The following ONECUT1 variants were observed in gnomAD, a reference collection of about 807,000 sequenced individuals.
ONECUT1 encodes the protein hepatocyte nuclear factor 6.
ONECUT1 carries 12 observed loss-of-function variants against 25.6 expected under a neutral mutation model. The ratio of observed to expected loss-of-function variants is 0.47; its 90% CI spans 0.30 to 0.76. The LOEUF is 0.76. Among genes scored for constraint, ONECUT1 ranks in the 30% least tolerant of loss-of-function variants. The pLI is 0.07. For missense variants in ONECUT1, 620 were observed against 651.2 expected (o/e 0.95, Z 0.52); for synonymous variants, 285 against 270.2 (o/e 1.05, Z -0.54).
chr15:52,777,737 C>CACACACACACACAAAAA (rs57187579), intron 1 of ONECUT1, among the ~76,000 whole-genome samples: 1 of 103,458 alleles, frequency 9.7e-6, no homozygotes, highest in African/African-American at 4.4e-5. Flanking sequence ...CACACACACA[C>CACACACACACACAAAAA]AAAAAAACAT....
intron 1 of ONECUT1, among the ~76,000 whole-genome samples, chr15:52,765,668 C>T (rs2083730214): frequency 6.6e-6 from 1 of 152,196 alleles, no homozygotes; most frequent in Admixed American, 6.5e-5. Context: ...AGTACCTACA[C>T]TGTGGAGATT....
At chr15:52,763,795 G>A (rs1032152643) in intron 1 of ONECUT1, among the ~76,000 whole-genome samples, 2 of 152,186 alleles carry the variant, frequency 1.3e-5, no homozygotes, top group Non-Finnish European at 2.9e-5. Flanking sequence ...GACCTGCAAC[G>A]AGGTCAGTAA....
intron 1 of ONECUT1, among the ~76,000 whole-genome samples, chr15:52,777,834 A>G (rs2083814208): frequency 6.6e-6 from 1 of 152,174 alleles, no homozygotes; most frequent in African/African-American, 2.4e-5. Context: ...CTGAGCACGG[A>G]ACTTGCTACA....
chr15:52,769,849 T>C (rs2083756009), intron 1 of ONECUT1, among the ~76,000 whole-genome samples: 1 of 152,108 alleles, frequency 6.6e-6, no homozygotes, highest in Non-Finnish European at 1.5e-5. Flanking sequence ...ATATTTGCCT[T>C]AGAGAGGAGA....
rs762680542 is a variant in ONECUT1, at chr15:52,788,752, C to T, written c.1105+28G>A. The T allele has an allele frequency of 1.9e-6, 3 of 1,586,392 alleles. No individual in the cohort carries two copies. Among genetic ancestry groups the T allele is most frequent in the South Asian group, 1.1e-5 (1 of 87,028 alleles). ...TTCGGCTTTCGTGTACCTTATCTCC[C>T]GCGCGCCCAGCTCCTTGGCCGGCTC... On this transcript the variant is annotated intron_variant, in intron 1 of 1. Transcript: ENST00000305901. This position sits in a 1 kb window ranked among gnomAD's most constrained non-coding sequence, Gnocchi z 4.3.
At position 52,789,637 on chromosome 15, in the gene ONECUT1, A is replaced by AG; in HGVS notation, c.247dup (p.Leu83ProfsTer66). Reference sequence around the variant, plus strand: ...GCAGGCCATGGTCATGGTGGGATGCAGGGGGCCGGCCAGGCTGTGCTCAGG... The same window carrying AG: ...GCAGGCCATGGTCATGGTGGGATGCAGGGGGGCCGGCCAGGCTGTGCTCAGG... On this transcript the variant is annotated frameshift_variant, in exon 1 of 2. Transcript: ENST00000305901. LOFTEE classifies it high-confidence loss of function. The surrounding 1 kb of genome is among the most constrained non-coding windows in gnomAD (Gnocchi z 4.1). 2 of 1,552,500 alleles carry AG rather than the reference A, an allele frequency of 1.3e-6. No homozygotes were observed. The highest frequency in any genetic ancestry group is 1.7e-6 in the Non-Finnish European group (2 of 1,149,170).
Position 52,790,051 on chromosome 15 carries a change from CCGTGTGTGCGTGTG to C in ONECUT1, c.-181_-168del. 9.1e-7 allele frequency: 1 copy of C among 1,096,390 alleles called. No homozygotes were observed. The highest frequency in any genetic ancestry group is 1.2e-6 in the Non-Finnish European group (1 of 847,288). The allele number at this position is 1,096,390 out of a possible 1,614,324, so 67.9% of individuals were successfully genotyped here. A position where few individuals can be genotyped will look rare whatever the true frequency, so the allele number is the denominator to read the frequency against. On this transcript the variant is annotated 5_prime_UTR_variant, in exon 1 of 2. Transcript: ENST00000305901. ...TCTCTCTCTCTCCGTGTGTGTGTGTCCGTGTGTGCGTGTGCGTGTGTGTGTGTGTGTGTGTCTCG... is the reference window on the plus strand; with the variant it reads ...TCTCTCTCTCTCCGTGTGTGTGTGTCCGTGTGTGTGTGTGTGTGTGTCTCG...
At chr15:52,765,880 G>T (rs1232169959) in intron 1 of ONECUT1, among the ~76,000 whole-genome samples, 1 of 152,222 alleles carries the variant, frequency 6.6e-6, no homozygotes. Context: ...CATTTGAAAA[G>T]CAACACGAGT....
chr15:52,771,053 T>A (rs2456501), intron 1 of ONECUT1, among the ~76,000 whole-genome samples: 94,633 of 151,988 alleles, frequency 0.62, 29,594 homozygotes, highest in East Asian at 0.78. Flanking sequence ...ACTTTTGATC[T>A]AGTAATTAAC....
At chr15:52,766,235 C>CT (rs76480336) in intron 1 of ONECUT1, among the ~76,000 whole-genome samples, 160 of 143,182 alleles carry the variant, frequency 1.1e-3, no homozygotes, top group Non-Finnish European at 1.4e-3. Context: ...GGTATTCTTC[C>CT]TTTTTTTTTT....
At chr15:52,770,433 A>G (rs116411879) in intron 1 of ONECUT1, among the ~76,000 whole-genome samples, 1,890 of 152,328 alleles carry the variant, frequency 0.012, 35 homozygotes, top group African/African-American at 0.044. Flanking sequence ...TGATTCGGCA[A>G]GCCAGGGTAG....
At chr15:52,774,589 C>T (rs758855878) in intron 1 of ONECUT1, among the ~76,000 whole-genome samples, 5 of 152,084 alleles carry the variant, frequency 3.3e-5, no homozygotes, top group African/African-American at 4.8e-5. Context: ...CGTGAGCCAC[C>T]GCACCTGGCC....
In ONECUT1 at chr15:52,756,351, G is replaced by A. The variant is rs903665931; in HGVS notation, c.*1204C>T. On this transcript the variant is annotated 3_prime_UTR_variant, in exon 2 of 2. Coordinates refer to ENST00000305901, the MANE Select transcript of ONECUT1 (RefSeq NM_004498.4). ...TTAAAAGAGGTTTTTGGTGCCAGAT[G>A]CATAAAGCAAATATAAGTCAATTAA... 6.6e-6 allele frequency among the ~76,000 whole-genome samples: 1 copy of A among 152,174 alleles called. No homozygotes were observed. Among genetic ancestry groups the A allele is most frequent in the African/African-American group, 2.4e-5 (1 of 41,442 alleles).
intron 1 of ONECUT1, among the ~76,000 whole-genome samples, chr15:52,777,197 G>A (rs942583393): frequency 5.9e-5 from 9 of 152,164 alleles, no homozygotes; most frequent in African/African-American, 2.2e-4. Context: ...CAGTTATACA[G>A]AGTAAGCTAC....
chr15:52,777,051 A>G (rs1225119680), intron 1 of ONECUT1, among the ~76,000 whole-genome samples: 1 of 152,220 alleles, frequency 6.6e-6, no homozygotes, highest in Non-Finnish European at 1.5e-5. Context: ...GAGGACCTAT[A>G]GAACATTAAT....
chr15:52,776,067 A>C (rs752978268), intron 1 of ONECUT1, among the ~76,000 whole-genome samples: 4 of 152,202 alleles, frequency 2.6e-5, no homozygotes, highest in Non-Finnish European at 5.9e-5. Context: ...CTGCCCACCA[A>C]CACCGGGAAG....
intron 1 of ONECUT1, among the ~76,000 whole-genome samples, chr15:52,777,848 G>A (rs1357767402): frequency 6.6e-6 from 1 of 152,080 alleles, no homozygotes; most frequent in East Asian, 1.9e-4. Context: ...TGCTACAGCA[G>A]GTGCTCAAAT....
chr15:52,789,288 G>A lies in ONECUT1; in HGVS notation c.597C>T (p.His199=), dbSNP rs748749392. The stretch of plus-strand genomic sequence containing the variant: ...GCATGGCGGCCCCCGGGTGGGCATA[G>A]TGGGGGAGCCCTTGCTGGGAGTTGT... ...SIHNSQQGLP[H]YAHPGAAMPT... Residue 199 remains histidine (H), a synonymous_variant, in exon 1 of 2, where the codon CAC becomes CAT. Transcript: ENST00000305901. This position sits in a 1 kb window ranked among gnomAD's most constrained non-coding sequence, Gnocchi z 4.1. 5 of 1,555,718 alleles carry A rather than the reference G, an allele frequency of 3.2e-6. No homozygotes were observed. In the East Asian group the frequency reaches 6.8e-5, roughly 21 times the overall value.
At chr15:52,758,515 T>C (rs2083687231) in intron 1 of ONECUT1, among the ~76,000 whole-genome samples, 1 of 152,170 alleles carries the variant, frequency 6.6e-6, no homozygotes, top group Non-Finnish European at 1.5e-5. Flanking sequence ...AACCGGGAAC[T>C]GTGGAGGTGT....
Sources: gnomAD v4.1 joint callset for allele counts (sites outside exome capture counted in the v4.1 genomes callset) on GRCh38, gnomAD v4.1.1 for gene constraint, Gnocchi (gnomAD v3.1) non-coding constraint, MANE v1.5 for transcripts, NCBI Gene and HGNC (gene_info 2026-07-23, HGNC 2026-07-21) for gene names.